The following SDK2 variants were observed in gnomAD, a reference collection of about 807,000 sequenced individuals.
SDK2 encodes protein sidekick-2.
SDK2 carries 105 observed loss-of-function variants against 253.9 expected under a neutral mutation model. The observed-to-expected ratio is 0.41, with a 90% CI of 0.35 to 0.49. The LOEUF is 0.49. Among genes scored for constraint, SDK2 ranks in the 20% least tolerant of loss-of-function variants. SDK2 has a pLI of 0.06. For missense variants in SDK2, 2,608 were observed against 3,003.0 expected (o/e 0.87, Z 3.07); for synonymous variants, 1,249 against 1,234.9 (o/e 1.01, Z -0.24).
Position 73,420,074 on chromosome 17 carries a change from A to C in SDK2, c.2046-768T>G, listed in dbSNP as rs2063216798. Among the ~76,000 whole-genome samples, 9 of 152,172 alleles carry C rather than the reference A, an allele frequency of 5.9e-5. No individual in the cohort carries two copies. In the South Asian group the frequency reaches 1.9e-3, roughly 31 times the overall value. ...CTTAACTAGGCCTCCTTTGCTGGCC[A>C]GCTGAGCCCCAGGCAGGAGCAGGGC... On this transcript the variant is annotated intron_variant, in intron 15 of 44. Transcript: ENST00000392650.
Position 73,365,328 on chromosome 17 carries a change from T to G in SDK2, c.5235A>C (p.Glu1745Asp). The G allele has an allele frequency of 6.2e-7, 1 of 1,613,136 alleles. No individual in the cohort carries two copies. Residue 1745 changes from glutamate to aspartate, a missense_variant, in exon 38 of 45, where the codon GAA becomes GAC. Physicochemically the swap from Glu to Asp is conservative, Grantham distance 45. Coordinates refer to ENST00000392650, the MANE Select transcript of SDK2 (RefSeq NM_001144952.2). ...GGATGCCATTGGGGAACTGCGGGGC[T>G]TCCCAGGACACATTCACTGAGGTTG... ...LTTTSVNVSW[E>D]APQFPNGILE...
intron 32 of SDK2, among the ~76,000 whole-genome samples, chr17:73,384,989 G>A (rs964707860): frequency 5.3e-5 from 8 of 152,098 alleles, no homozygotes; most frequent in Non-Finnish European, 8.8e-5. Flanking sequence ...GTTTATCTAC[G>A]GGAGCGTCCT....
Position 73,399,133 on chromosome 17 carries a change from C to T in SDK2, c.3093+35G>A, listed in dbSNP as rs375971868. ...CACTCAAGGGCACGGGGTGCCCTGGCGGGGGCTGCTGGTCAGGCCCCAGGC... is the reference window on the plus strand; with the variant it reads ...CACTCAAGGGCACGGGGTGCCCTGGTGGGGGCTGCTGGTCAGGCCCCAGGC... On this transcript the variant is annotated intron_variant, in intron 22 of 44. Coordinates refer to ENST00000392650, the MANE Select transcript of SDK2 (RefSeq NM_001144952.2). The T allele has an allele frequency of 1.8e-5, 29 of 1,609,490 alleles. No homozygotes were observed. The East Asian group carries it at 2.2e-4, about 12-fold the overall frequency.
At chr17:73,458,387 CAGAAAG>C (rs1166316505) in intron 3 of SDK2, among the ~76,000 whole-genome samples, 1 of 152,228 alleles carries the variant, frequency 6.6e-6, no homozygotes, top group African/African-American at 2.4e-5. Flanking sequence ...CCCCAGGGCA[CAGAAAG>C]GCCCGTCTGG....
At position 73,437,604 on chromosome 17, in the gene SDK2, C is replaced by G; in HGVS notation, c.1000+135G>C. 3 of 780,604 alleles carry G rather than the reference C, an allele frequency of 3.8e-6. No homozygotes were observed. In the South Asian group the frequency reaches 4.5e-5, roughly 12 times the overall value. The allele number at this position is 780,604 out of a possible 1,614,324, so 48.4% of individuals were successfully genotyped here. ...CTGTTTGTTTCCTGGGGTGCCTGCT[C>G]AGACAGCCAGACAGACTCTCTGCCT... On this transcript the variant is annotated intron_variant, in intron 8 of 44. Transcript: ENST00000392650.
chr17:73,600,576 C>T (rs2045824044), intron 1 of SDK2, among the ~76,000 whole-genome samples: 2 of 152,188 alleles, frequency 1.3e-5, no homozygotes, highest in Admixed American at 6.5e-5. Context: ...CAAGTGACTC[C>T]GATGGTGCCA....
chr17:73,555,988 G>A (rs1395068217), intron 1 of SDK2, among the ~76,000 whole-genome samples: 2 of 152,134 alleles, frequency 1.3e-5, no homozygotes, highest in African/African-American at 4.8e-5. Context: ...TGCACAGATG[G>A]GCTTGAGCTT....
intron 18 of SDK2, among the ~76,000 whole-genome samples, chr17:73,409,493 T>C (rs116466761): frequency 0.036 from 5,400 of 151,400 alleles, 214 homozygotes; most frequent in East Asian, 0.15. Flanking sequence ...CTGAGCATGG[T>C]GGCACATGCC....
At position 73,379,151 on chromosome 17, in the gene SDK2, C is replaced by A; in HGVS notation, c.4980+26G>T. 1 of 1,533,080 alleles carries A rather than the reference C, an allele frequency of 6.5e-7. No homozygotes were observed. The highest frequency in any genetic ancestry group is 8.8e-7 in the Non-Finnish European group (1 of 1,130,082). 95.0% of individuals were successfully genotyped at this position (1,533,080 alleles called of 1,614,324 possible). ...GACCTGGCTTCTCATCCGTGCACCC[C>A]TTTGCTCTGCCCGAGGGCACCCTAC... On this transcript the variant is annotated intron_variant, in intron 36 of 44. Transcript: ENST00000392650. The surrounding 1 kb of genome is among the most constrained non-coding windows in gnomAD (Gnocchi z 4.5).
intron 1 of SDK2, among the ~76,000 whole-genome samples, chr17:73,571,541 C>G (rs147048470): frequency 6.6e-6 from 1 of 152,182 alleles, no homozygotes; most frequent in Admixed American, 6.5e-5. Flanking sequence ...GGTGGCCCCC[C>G]GGGCGCTCTA....
At chr17:73,598,604 C>A (rs1400419095) in intron 1 of SDK2, among the ~76,000 whole-genome samples, 1 of 152,140 alleles carries the variant, frequency 6.6e-6, no homozygotes, top group African/African-American at 2.4e-5. Context: ...AGTAAATGAC[C>A]CTCCAGGAGA....
chr17:73,448,894 C>G (rs891694238), intron 4 of SDK2, among the ~76,000 whole-genome samples: 1 of 152,092 alleles, frequency 6.6e-6, no homozygotes, highest in Admixed American at 6.5e-5. Context: ...CTCCTGACCT[C>G]AAGTGATCTG....
At chr17:73,367,207 T>C (rs1218148781) in intron 37 of SDK2, among the ~76,000 whole-genome samples, 1 of 152,026 alleles carries the variant, frequency 6.6e-6, no homozygotes, top group Non-Finnish European at 1.5e-5. Flanking sequence ...TAGGGTTTCA[T>C]CATGTTGGCC....
At chr17:73,480,309 G>A (rs1276652992) in intron 2 of SDK2, among the ~76,000 whole-genome samples, 1 of 152,134 alleles carries the variant, frequency 6.6e-6, no homozygotes, top group Non-Finnish European at 1.5e-5. Context: ...AGGATAGTTC[G>A]GCTGTCTACC....
chr17:73,551,732 G>A (rs369840835), intron 1 of SDK2, among the ~76,000 whole-genome samples: 12 of 152,118 alleles, frequency 7.9e-5, no homozygotes, highest in Middle Eastern at 6.8e-3. Flanking sequence ...CTGCCCTCAC[G>A]GTGCTTACAC....
intron 1 of SDK2, among the ~76,000 whole-genome samples, chr17:73,566,356 T>TG (rs1555604326): frequency 6.6e-6 from 1 of 151,570 alleles, no homozygotes; most frequent in Non-Finnish European, 1.5e-5. Flanking sequence ...TGTGTGTGTG[T>TG]TACCCAGTCT....
intron 18 of SDK2, among the ~76,000 whole-genome samples, chr17:73,403,895 T>C (rs1407137377): frequency 2.6e-5 from 4 of 152,222 alleles, no homozygotes; most frequent in Non-Finnish European, 4.4e-5. Context: ...AGAAACAAGT[T>C]TAATGTTTTA....
At chr17:73,634,625 T>C (rs1329510382) in intron 1 of SDK2, among the ~76,000 whole-genome samples, 1 of 152,144 alleles carries the variant, frequency 6.6e-6, no homozygotes, top group African/African-American at 2.4e-5. Flanking sequence ...ACCAAATCAA[T>C]AAATCCTTAA....
At chr17:73,495,444 C>A (rs1269808122) in intron 2 of SDK2, among the ~76,000 whole-genome samples, 1 of 152,218 alleles carries the variant, frequency 6.6e-6, no homozygotes, top group African/African-American at 2.4e-5. Flanking sequence ...CACCCTCCAA[C>A]AAAGAACTTT....
Sources: gnomAD v4.1 joint callset for allele counts (sites outside exome capture counted in the v4.1 genomes callset) on GRCh38, gnomAD v4.1.1 for gene constraint, Gnocchi (gnomAD v3.1) non-coding constraint, MANE v1.5 for transcripts, NCBI Gene and HGNC (gene_info 2026-07-23, HGNC 2026-07-21) for gene names.